Variants in ROBO2 observed in about 807,000 individuals in gnomAD.
The protein encoded by ROBO2 is roundabout homolog 2.
Under a neutral mutation model 160.8 loss-of-function variants are expected in ROBO2, and 53 were observed. The observed-to-expected ratio is 0.33, with a 90% CI of 0.26 to 0.41. The LOEUF is 0.41. Among genes scored for constraint, ROBO2 ranks in the 10% least tolerant of loss-of-function variants. The probability of loss-of-function intolerance (pLI) is 1.00; values close to 1 mark genes in which losing one functional copy is unlikely to be tolerated. For missense variants in ROBO2, 1,577 were observed against 1,722.4 expected (o/e 0.92, Z 1.49); for synonymous variants, 664 against 611.7 (o/e 1.09, Z -1.26).
chr3:75,952,304 A>G (rs1198379812), intron 2 of ROBO2, among the ~76,000 whole-genome samples: 3 of 151,976 alleles, frequency 2.0e-5, no homozygotes, highest in Non-Finnish European at 4.4e-5. Flanking sequence ...TACTCTAATC[A>G]TTAAAATCAA....
At chr3:77,251,774 C>T (rs759918434) in intron 2 of ROBO2, among the ~76,000 whole-genome samples, 7 of 152,134 alleles carry the variant, frequency 4.6e-5, no homozygotes, top group Non-Finnish European at 1.0e-4. Context: ...GGGGTTTCCA[C>T]TTTCACTTGA....
intron 2 of ROBO2, among the ~76,000 whole-genome samples, chr3:76,085,113 A>G (rs2068964896): frequency 1.4e-5 from 2 of 147,904 alleles, no homozygotes; most frequent in South Asian, 4.2e-4. Context: ...ATATATATAT[A>G]TATACACACA....
intron 2 of ROBO2, among the ~76,000 whole-genome samples, chr3:76,354,284 G>A (rs531676887): frequency 6.6e-6 from 1 of 151,940 alleles, no homozygotes; most frequent in South Asian, 2.1e-4. Flanking sequence ...CCACAACTCT[G>A]GATTTCAATA....
chr3:77,069,225 G>A (rs1037412831), intron 1 of ROBO2, among the ~76,000 whole-genome samples: 3 of 152,208 alleles, frequency 2.0e-5, no homozygotes, highest in African/African-American at 7.2e-5. Context: ...TTTTAAGAGA[G>A]AGAGACCATT....
intron 2 of ROBO2, among the ~76,000 whole-genome samples, chr3:77,113,654 C>A (rs1022284992): frequency 6.6e-6 from 1 of 152,084 alleles, no homozygotes; most frequent in Non-Finnish European, 1.5e-5. Context: ...AGACAAGGAG[C>A]GGTCTAGTTA....
At chr3:76,045,815 C>G (rs1283196930) in intron 2 of ROBO2, among the ~76,000 whole-genome samples, 2 of 151,854 alleles carry the variant, frequency 1.3e-5, no homozygotes, top group African/African-American at 4.8e-5. Flanking sequence ...TTCCTCCTCT[C>G]CCTTCCTCTC....
In ROBO2 at chr3:76,329,941, A is replaced by G. The variant is rs191401005; in HGVS notation, c.109+392339A>G. ...CAGGAGCGTTTTCAAAGGCAAGAGAAGCTGGTTTTCAGGAATTTGATTCAT... is the reference window on the plus strand; with the variant it reads ...CAGGAGCGTTTTCAAAGGCAAGAGAGGCTGGTTTTCAGGAATTTGATTCAT... On this transcript the variant is annotated intron_variant, in intron 2 of 26. Coordinates refer to the ROBO2 transcript ENST00000487694. Among the ~76,000 whole-genome samples, 857 of 152,318 alleles carry G rather than the reference A, an allele frequency of 5.6e-3. 6 individuals carry two copies. The highest frequency in any genetic ancestry group is 0.02 in the African/African-American group (811 of 41,562).
intron 2 of ROBO2, among the ~76,000 whole-genome samples, chr3:76,597,789 A>G (rs1035639394): frequency 1.9e-4 from 29 of 151,858 alleles, no homozygotes; most frequent in African/African-American, 7.0e-4. Context: ...GTGAGAACAT[A>G]TGGTATTTGG....
chr3:76,150,541 T>C (rs1223312800), intron 2 of ROBO2, among the ~76,000 whole-genome samples: 1 of 152,120 alleles, frequency 6.6e-6, no homozygotes, highest in African/African-American at 2.4e-5. Flanking sequence ...ATCCCTTTGA[T>C]CTTGAACACG....
At chr3:76,799,232 AC>A (rs1377748111) in intron 2 of ROBO2, among the ~76,000 whole-genome samples, 22 of 130,138 alleles carry the variant, frequency 1.7e-4, no homozygotes, top group Non-Finnish European at 3.1e-4. Flanking sequence ...CAAAAACAAA[AC>A]AAAAAAAAAA....
chr3:77,615,121 C>G (rs921844023), intron 21 of ROBO2, among the ~76,000 whole-genome samples: 1 of 152,058 alleles, frequency 6.6e-6, no homozygotes, highest in Non-Finnish European at 1.5e-5. Flanking sequence ...ATTGTATGCT[C>G]TGTGAAATAG....
chr3:76,857,732 A>G (rs1250871302), intron 2 of ROBO2, among the ~76,000 whole-genome samples: 1 of 152,146 alleles, frequency 6.6e-6, no homozygotes, highest in Non-Finnish European at 1.5e-5. Flanking sequence ...TCTTTCTAAG[A>G]CACTCATATG....
intron 2 of ROBO2, among the ~76,000 whole-genome samples, chr3:75,972,361 G>T (rs570016150): frequency 6.6e-6 from 1 of 151,706 alleles, no homozygotes; most frequent in Non-Finnish European, 1.5e-5. Context: ...TTTGGCCATT[G>T]ACCAGGACCT....
At chr3:77,050,687 C>T (rs1281944686) in intron 1 of ROBO2, among the ~76,000 whole-genome samples, 29 of 135,010 alleles carry the variant, frequency 2.1e-4, no homozygotes, top group African/African-American at 5.2e-4. Flanking sequence ...TAATTGTTTT[C>T]GCATAATTTC....
intron 2 of ROBO2, among the ~76,000 whole-genome samples, chr3:76,379,116 A>G (rs1280122856): frequency 2.0e-5 from 3 of 152,186 alleles, no homozygotes; most frequent in Non-Finnish European, 4.4e-5. Flanking sequence ...TTAACAAATG[A>G]AGACATTGTT....
chr3:76,282,020 A>G (rs925308459), intron 2 of ROBO2, among the ~76,000 whole-genome samples: 1 of 152,052 alleles, frequency 6.6e-6, no homozygotes, highest in Admixed American at 6.6e-5. Flanking sequence ...TACATTATGT[A>G]GTGAACATTC....
intron 11 of ROBO2, among the ~76,000 whole-genome samples, chr3:77,564,131 G>C (rs746056179): frequency 1.3e-5 from 2 of 151,874 alleles, no homozygotes; most frequent in Admixed American, 6.6e-5. Flanking sequence ...GGTAATGCTA[G>C]GTACTTAATT....
At chr3:76,246,933 A>G (rs1035050963) in intron 2 of ROBO2, among the ~76,000 whole-genome samples, 2 of 152,046 alleles carry the variant, frequency 1.3e-5, no homozygotes, top group African/African-American at 4.8e-5. Context: ...GGAAATTCTT[A>G]TTTTTTCCAT....
chr3:75,989,368 A>C (rs569652884), intron 2 of ROBO2, among the ~76,000 whole-genome samples: 8 of 152,028 alleles, frequency 5.3e-5, no homozygotes, highest in Admixed American at 1.3e-4. Flanking sequence ...CACCTGCCTC[A>C]GCCTCCCAAA....
Sources: allele counts gnomAD v4.1 joint callset (sites outside exome capture counted in the v4.1 genomes callset), GRCh38; gene constraint gnomAD v4.1.1; transcripts MANE v1.5; gene names NCBI Gene and HGNC (gene_info 2026-07-23, HGNC 2026-07-21).